The following DOK1 variants were observed in gnomAD, a reference collection of about 807,000 sequenced individuals.
DOK1 encodes Downstream of tyrosine kinase 1.
A neutral mutation model predicts 24.0 loss-of-function variants in DOK1; 12 were observed. The observed-to-expected ratio is 0.50, with a 90% CI of 0.32 to 0.81. DOK1 has a LOEUF of 0.81. DOK1 is among the 30% of genes least tolerant of loss of function. DOK1 has a pLI of 0.03. For missense variants in DOK1, 591 were observed against 620.7 expected, an observed-to-expected ratio of 0.95 and a Z score of 0.51; for synonymous variants, 250 against 260.9, an observed-to-expected ratio of 0.96 and a Z score of 0.40.
chr2:74,550,203 C>G, upstream of DOK1: 1 of 1,613,582 alleles, frequency 6.2e-7, no homozygotes, highest in South Asian at 1.1e-5. Flanking sequence ...CATTGGAGTC[C>G]GAGAAGCCAG....
chr2:74,555,263 C>A lies in DOK1; in HGVS notation c.170C>A (p.Ser57Ter). Residue 57 changes from serine (S) to a stop codon, truncating the protein, a stop_gained, in exon 2 of 5, where the codon TCG (serine) becomes TAG (stop). Coordinates refer to ENST00000233668, the MANE Select transcript of DOK1 (RefSeq NM_001381.5). LOFTEE classifies it high-confidence loss of function. The surrounding 1 kb of genome is among the most constrained non-coding windows in gnomAD (Gnocchi z 6.1). ...AGCTCTGGGGGTGGCCGAGGGAGCT[C>A]GCGCCGCCTGGACTGCAAAGTGATC... The part of the protein sequence containing the change: ...GSSSGGGRGS[S>*]RRLDCKVIRL... 1 of 1,613,958 alleles carries A rather than the reference C, an allele frequency of 6.2e-7. No individual in the cohort carries two copies. The highest frequency in any genetic ancestry group is 8.5e-7 in the Non-Finnish European group (1 of 1,180,010).
chr2:74,551,573 C>A (rs1409679471), upstream of DOK1, among the ~76,000 whole-genome samples: 1 of 152,264 alleles, frequency 6.6e-6, no homozygotes, highest in Non-Finnish European at 1.5e-5. Context: ...TTCAGCAATT[C>A]CTCCTTGAAA....
In DOK1 at chr2:74,555,254, G is replaced by T; in HGVS notation, c.161G>T (p.Arg54Leu). The T allele has an allele frequency of 6.2e-7, 1 of 1,613,992 alleles. No individual in the cohort carries two copies. Among genetic ancestry groups the T allele is most frequent in the Non-Finnish European group, 8.5e-7 (1 of 1,180,030 alleles). The change falls in exon 2 of 5, where the codon CGA becomes CTA. Residue 54 changes from arginine to leucine, a missense_variant. Coordinates refer to ENST00000233668, the MANE Select transcript of DOK1 (RefSeq NM_001381.5). The surrounding 1 kb of genome is among the most constrained non-coding windows in gnomAD (Gnocchi z 6.1). Reference protein sequence around the residue: ...DHKGSSSGGGRGSSRRLDCKV... With the variant: ...DHKGSSSGGGLGSSRRLDCKV... The stretch of plus-strand genomic sequence containing the variant: ...AAGGGGTCGAGCTCTGGGGGTGGCC[G>T]AGGGAGCTCGCGCCGCCTGGACTGC...
chr2:74,557,331 C>T lies in DOK1; in HGVS notation c.*217C>T. On this transcript the variant is annotated 3_prime_UTR_variant, in exon 5 of 5. Transcript: ENST00000233668. ...GGGCTGAGGATGGGCTCTGCATCCC[C>T]CAAAGCCATCCCTTCCCTACTTCCC... 1.9e-6 allele frequency: 1 copy of T among 515,828 alleles called. No homozygotes were observed. Among genetic ancestry groups the T allele is most frequent in the South Asian group, 3.0e-5 (1 of 33,094 alleles). The allele number at this position is 515,828 out of a possible 1,614,324, so 32.0% of individuals were successfully genotyped here.
chr2:74,556,393 T>C lies in DOK1; in HGVS notation c.725T>C (p.Phe242Ser). Residue 242 changes from phenylalanine (F) to serine (S), a missense_variant, in exon 5 of 5, where the codon TTC (phenylalanine) becomes TCC (serine). Phe to Ser is a radical substitution (Grantham distance 155). Coordinates refer to ENST00000233668, the MANE Select transcript of DOK1 (RefSeq NM_001381.5). The surrounding 1 kb of genome is among the most constrained non-coding windows in gnomAD (Gnocchi z 4.1). ...TFQTAQGNDI[F>S]QAVETAIHRQ... is the part of the protein sequence containing the mutation. Reference sequence around the variant, plus strand: ...CAGACGGCACAGGGAAATGACATCTTCCAGGCAGTTGAGACTGCCATCCAC... The same window carrying C: ...CAGACGGCACAGGGAAATGACATCTCCCAGGCAGTTGAGACTGCCATCCAC... The C allele has an allele frequency of 1.2e-6, 2 of 1,614,036 alleles. No individual in the cohort carries two copies. The highest frequency in any genetic ancestry group is 1.7e-6 in the Non-Finnish European group (2 of 1,180,012).
chr2:74,552,221 G>T, upstream of DOK1: 3 of 1,042,960 alleles, frequency 2.9e-6, no homozygotes, highest in Non-Finnish European at 4.2e-6. Context: ...GGCTGTTCTT[G>T]GTGTCGTGTG....
Position 74,556,746 on chromosome 2 carries a change from C to T in DOK1, c.1078C>T (p.Pro360Ser). 6.2e-7 allele frequency: 1 copy of T among 1,614,234 alleles called. No individual in the cohort carries two copies. Among genetic ancestry groups the T allele is most frequent in the Non-Finnish European group, 8.5e-7 (1 of 1,180,040 alleles). Residue 360 changes from proline (P) to serine (S), a missense_variant, in exon 5 of 5, where the codon CCC (proline) becomes TCC (serine). Pro to Ser is a moderately conservative substitution (Grantham distance 74, BLOSUM62 -1). Coordinates refer to ENST00000233668, the MANE Select transcript of DOK1 (RefSeq NM_001381.5). The surrounding 1 kb of genome is among the most constrained non-coding windows in gnomAD (Gnocchi z 4.1). ...CAAGCTGACAGACCCCAAAGAGGATCCCATCTATGATGAACCTGAGGGCCT... is the reference window on the plus strand; with the variant it reads ...CAAGCTGACAGACCCCAAAGAGGATTCCATCTATGATGAACCTGAGGGCCT... ...KAKLTDPKED[P>S]IYDEPEGLAP...
chr2:74,555,724 C>T lies in DOK1; in HGVS notation c.454+56C>T. 6.2e-7 allele frequency: 1 copy of T among 1,610,170 alleles called. No individual in the cohort carries two copies. On this transcript the variant is annotated intron_variant, in intron 3 of 4. Coordinates refer to ENST00000233668, the MANE Select transcript of DOK1 (RefSeq NM_001381.5). The surrounding 1 kb of genome is among the most constrained non-coding windows in gnomAD (Gnocchi z 6.1). The stretch of plus-strand genomic sequence containing the variant: ...GAGTGAAGAGGAGGAGGGCCGAGGG[C>T]CTTTGGGAAGTGGGTGGATACCCAG...
rs559205305 is a variant in DOK1 at position 74,556,848 on chromosome 2, A to C, written c.1180A>C (p.Lys394Gln). The change falls in exon 5 of 5, where the codon AAG (lysine) becomes CAG (glutamine). Residue 394 changes from lysine (K) to glutamine (Q), a missense_variant. Lys to Gln is a moderately conservative substitution (Grantham distance 53). Coordinates refer to ENST00000233668, the MANE Select transcript of DOK1 (RefSeq NM_001381.5). This position sits in a 1 kb window ranked among gnomAD's most constrained non-coding sequence, Gnocchi z 4.1. The stretch of plus-strand genomic sequence containing the variant: ...TGCATGGTGGTGCCAAGCTCGGGTG[A>C]AGGAGGAGGGCTATGAGCTCCCCTA... Reference protein sequence around the residue: ...KDAWWCQARVKEEGYELPYNP... With the variant: ...KDAWWCQARVQEEGYELPYNP... 1 of 1,614,056 alleles carries C rather than the reference A, an allele frequency of 6.2e-7. No individual in the cohort carries two copies. Among genetic ancestry groups the C allele is most frequent in the South Asian group, 1.1e-5 (1 of 91,072 alleles).
Position 74,556,968 on chromosome 2 carries a change from G to C in DOK1, c.1300G>C (p.Gly434Arg). Residue 434 changes from glycine (G) to arginine (R), a missense_variant, in exon 5 of 5, where the codon GGT (glycine) becomes CGT (arginine). By Grantham distance (125) the Gly-to-Arg change is moderately radical. Coordinates refer to ENST00000233668, the MANE Select transcript of DOK1 (RefSeq NM_001381.5). This position sits in a 1 kb window ranked among gnomAD's most constrained non-coding sequence, Gnocchi z 4.1. ...CCAGGGCCCAGCCTTCCCTGAACCT[G>C]GTACTGCAACTGGCAGTGGCATCAA... ...KPQGPAFPEP[G>R]TATGSGIKSH... 2.5e-6 allele frequency: 4 copies of C among 1,614,202 alleles called. No homozygotes were observed. Among genetic ancestry groups the C allele is most frequent in the Non-Finnish European group, 3.4e-6 (4 of 1,180,026 alleles).
rs571573656 is a variant in DOK1, at chr2:74,549,282, C to G, written c.-358+110C>G. ...CCCGACCCCCGGGTCCTCCCGTGCC[C>G]CGGACCTGCTCAGATGTCTCCCAAG... On this transcript the variant is annotated intron_variant, in intron 1 of 4. Transcript: ENST00000409429. The surrounding 1 kb of genome is among the most constrained non-coding windows in gnomAD (Gnocchi z 5.3). 1 of 1,410,310 alleles carries G rather than the reference C, an allele frequency of 7.1e-7. No individual in the cohort carries two copies. Among genetic ancestry groups the G allele is most frequent in the East Asian group, 2.6e-5 (1 of 38,744 alleles). 87.4% of individuals were successfully genotyped at this position (1,410,310 alleles called of 1,614,324 possible). A position where few individuals can be genotyped will look rare whatever the true frequency, so the allele number is the denominator to read the frequency against.
Position 74,549,351 on chromosome 2 carries a change from G to T in DOK1, c.-358+179G>T, listed in dbSNP as rs1326163588. 1 of 1,553,886 alleles carries T rather than the reference G, an allele frequency of 6.4e-7. No homozygotes were observed. The highest frequency in any genetic ancestry group is 1.9e-5 in the Admixed American group (1 of 52,442). ...CCCCAATCCCGGCCTGCTCCGCCCG[G>T]CGCCCGCGGCCCCTCACCTGTAGAA... On this transcript the variant is annotated intron_variant, in intron 1 of 4. Transcript: ENST00000409429. The surrounding 1 kb of genome is among the most constrained non-coding windows in gnomAD (Gnocchi z 5.3).
Position 74,555,453 on chromosome 2 carries a change from G to C in DOK1, c.360G>C (p.Pro120=). The C allele has an allele frequency of 6.2e-7, 1 of 1,608,894 alleles. No homozygotes were observed. The highest frequency in any genetic ancestry group is 8.5e-7 in the Non-Finnish European group (1 of 1,178,310). ...WVQTLCRNAF[P]KGSWTLAPTD... is the part of the protein sequence containing the mutation. ...AGACGCTGTGCCGAAACGCCTTTCC[G>C]GTGAGGAGCTGCGGCGATGCGGGGT... Residue 120 remains proline, a splice_region_variant and synonymous_variant, in exon 2 of 5, where the codon CCG becomes CCC. Transcript: ENST00000233668. This position sits in a 1 kb window ranked among gnomAD's most constrained non-coding sequence, Gnocchi z 6.1.
chr2:74,551,285 A>G (rs555042148), upstream of DOK1, among the ~76,000 whole-genome samples: 570 of 152,330 alleles, frequency 3.7e-3, 4 homozygotes, highest in South Asian at 7.7e-3. Context: ...CGCAGCCTCA[A>G]AGGTCATCTG....
chr2:74,552,412 T>G, upstream of DOK1: 1 of 1,613,796 alleles, frequency 6.2e-7, no homozygotes, highest in Non-Finnish European at 8.5e-7. Flanking sequence ...GCCTGCAGCG[T>G]GAAGTCATCA....
upstream of DOK1, chr2:74,549,866 C>T: frequency 1.0e-6 from 1 of 985,412 alleles, no homozygotes; most frequent in Middle Eastern, 5.2e-4. This position sits in a 1 kb window ranked among gnomAD's most constrained non-coding sequence, Gnocchi z 5.3. Context: ...AAGGAAATGG[C>T]TTTGAAGGAG....
Position 74,555,110 on chromosome 2 carries a change from C to G in DOK1, c.61-44C>G. On this transcript the variant is annotated intron_variant, in intron 1 of 4. Coordinates refer to ENST00000233668, the MANE Select transcript of DOK1 (RefSeq NM_001381.5). The surrounding 1 kb of genome is among the most constrained non-coding windows in gnomAD (Gnocchi z 6.1). ...CCTTCCCCGTCGGGACCCGGGCCGC[C>G]TGCGCACGCCACTCCCTCTCGAGCA... 1 of 1,570,874 alleles carries G rather than the reference C, an allele frequency of 6.4e-7. No homozygotes were observed.
Position 74,556,207 on chromosome 2 carries a change from G to A in DOK1, c.640-101G>A, listed in dbSNP as rs1677453023. ...CTACCCGGTGACCCCGCGTCTGTTC[G>A]CAGGTGGTCTCTTCTTTGTAGATAC... On this transcript the variant is annotated intron_variant, in intron 4 of 4. Transcript: ENST00000233668. This position sits in a 1 kb window ranked among gnomAD's most constrained non-coding sequence, Gnocchi z 4.1. 5 of 1,537,774 alleles carry A rather than the reference G, an allele frequency of 3.3e-6. No homozygotes were observed. The highest frequency in any genetic ancestry group is 8.8e-7 in the Non-Finnish European group (1 of 1,141,262).
Position 74,556,812 on chromosome 2 carries a change from G to C in DOK1, c.1144G>C (p.Glu382Gln). The C allele has an allele frequency of 6.2e-7, 1 of 1,614,178 alleles. No homozygotes were observed. The highest frequency in any genetic ancestry group is 8.5e-7 in the Non-Finnish European group (1 of 1,180,038). ...PPQGLYDLPREPKDAWWCQAR... is the reference protein window; with the variant it reads ...PPQGLYDLPRQPKDAWWCQAR... ...CCAGGGCCTTTATGATCTGCCTCGGGAGCCCAAGGATGCATGGTGGTGCCA... is the reference window on the plus strand; with the variant it reads ...CCAGGGCCTTTATGATCTGCCTCGGCAGCCCAAGGATGCATGGTGGTGCCA... Residue 382 changes from glutamate to glutamine, a missense_variant, in exon 5 of 5, where the codon GAG becomes CAG. Glu to Gln is a conservative substitution (Grantham distance 29). Transcript: ENST00000233668. This position sits in a 1 kb window ranked among gnomAD's most constrained non-coding sequence, Gnocchi z 4.1.
Sources: gnomAD v4.1 joint callset for allele counts (sites outside exome capture counted in the v4.1 genomes callset) on GRCh38, gnomAD v4.1.1 for gene constraint, Gnocchi (gnomAD v3.1) non-coding constraint, MANE v1.5 for transcripts, NCBI Gene and HGNC (gene_info 2026-07-23, HGNC 2026-07-21) for gene names.